The following ADAMTS19 variants were observed in gnomAD, a reference collection of about 807,000 sequenced individuals.
ADAMTS19 encodes A disintegrin and metalloproteinase with thrombospondin motifs 19.
In ADAMTS19, 93 loss-of-function variants were observed where a neutral mutation model predicts 153.3. The observed-to-expected ratio is 0.61, with a 90% CI of 0.51 to 0.72. The LOEUF is 0.72. Ranked by LOEUF, ADAMTS19 falls within the 30% of genes least tolerant of loss-of-function variation. The pLI is 0.00. For missense variants in ADAMTS19, 1,482 were observed against 1,552.1 expected, an observed-to-expected ratio of 0.95 and a Z score of 0.76; for synonymous variants, 600 against 556.6, an observed-to-expected ratio of 1.08 and a Z score of -1.10.
intron 3 of ADAMTS19, among the ~76,000 whole-genome samples, chr5:129,515,727 A>G (rs547623409): frequency 5.7e-4 from 87 of 152,072 alleles, no homozygotes; most frequent in African/African-American, 1.9e-3. Flanking sequence ...TTACATTATC[A>G]GCAAACAAGG....
intron 8 of ADAMTS19, among the ~76,000 whole-genome samples, chr5:129,601,849 T>C (rs1412281461): frequency 6.6e-6 from 1 of 152,134 alleles, no homozygotes; most frequent in Admixed American, 6.5e-5. Flanking sequence ...CCTTCAAGTC[T>C]CCATTCCCTC....
In ADAMTS19 at chr5:129,599,984, C is replaced by A. The variant is rs1308737530; in HGVS notation, c.1478+3320C>A. On this transcript the variant is annotated intron_variant, in intron 8 of 22. Coordinates refer to ENST00000274487, the MANE Select transcript of ADAMTS19 (RefSeq NM_133638.6). Reference sequence around the variant, plus strand: ...GATGCTAGACAGTGAGAGACAATAGCAGTCAGAATAATGTCATGTTTATAA... The same window carrying A: ...GATGCTAGACAGTGAGAGACAATAGAAGTCAGAATAATGTCATGTTTATAA... 3.3e-5 allele frequency among the ~76,000 whole-genome samples: 5 copies of A among 152,020 alleles called. No homozygotes were observed. The East Asian group carries it at 9.7e-4, about 29-fold the overall frequency.
chr5:129,588,664 A>C (rs1749942422), intron 7 of ADAMTS19, among the ~76,000 whole-genome samples: 1 of 151,792 alleles, frequency 6.6e-6, no homozygotes, highest in Non-Finnish European at 1.5e-5. Flanking sequence ...CCTTTTATGC[A>C]TAATAATATT....
At chr5:129,620,574 T>G in intron 8 of ADAMTS19, 44 bp from the exon 9 acceptor site, 1 of 1,407,194 alleles carries the variant, frequency 7.1e-7, no homozygotes, top group Non-Finnish European at 9.5e-7. Context: ...ACAAGTAACA[T>G]TTACTTAGTG....
rs192648440 is a variant in ADAMTS19, at chr5:129,729,354, G to A, written c.3313-5578G>A. On this transcript the variant is annotated intron_variant, in intron 21 of 22. Coordinates refer to ENST00000274487, the MANE Select transcript of ADAMTS19 (RefSeq NM_133638.6). The stretch of plus-strand genomic sequence containing the variant: ...ATAAATAGTTTAGAAGATAACTTGG[G>A]ATTTCAATTGTTCTATTTTGAATGA... Among the ~76,000 whole-genome samples the A allele has an allele frequency of 3.2e-3, 490 of 151,636 alleles. 1 individual carries two copies. Among genetic ancestry groups the A allele is most frequent in the Admixed American group, 4.3e-3 (65 of 15,200 alleles).
intron 9 of ADAMTS19, among the ~76,000 whole-genome samples, chr5:129,621,941 T>G (rs58017921): frequency 0.05 from 7,636 of 152,240 alleles, 268 homozygotes; most frequent in African/African-American, 0.1. Flanking sequence ...CACAATGTTA[T>G]GTAGATCAGC....
chr5:129,689,959 A>G (rs1213453990), intron 18 of ADAMTS19, among the ~76,000 whole-genome samples: 2 of 152,202 alleles, frequency 1.3e-5, no homozygotes, highest in African/African-American at 2.4e-5. Context: ...CATAAGAAGA[A>G]CTGGATTCCT....
intron 19 of ADAMTS19, among the ~76,000 whole-genome samples, chr5:129,697,988 G>A (rs1296859581): frequency 3.9e-5 from 6 of 152,156 alleles, no homozygotes; most frequent in Non-Finnish European, 7.3e-5. Context: ...TGTTTCCCAA[G>A]TTGGTCTGTG....
intron 6 of ADAMTS19, among the ~76,000 whole-genome samples, chr5:129,550,132 A>C (rs867677269): frequency 1.2e-4 from 1 of 8,556 alleles, no homozygotes; most frequent in African/African-American, 4.8e-4. Flanking sequence ...GTATCTGTAT[A>C]TGTATGTATC....
At chr5:129,475,105 CTT>C (rs201912606) in intron 2 of ADAMTS19, among the ~76,000 whole-genome samples, 1 of 143,250 alleles carries the variant, frequency 7.0e-6, no homozygotes, top group Admixed American at 7.0e-5. Flanking sequence ...TCTAGTTTAT[CTT>C]TTTTTTTTTT....
chr5:129,639,311 G>T (rs1246184966), intron 10 of ADAMTS19, among the ~76,000 whole-genome samples: 1 of 152,090 alleles, frequency 6.6e-6, no homozygotes, highest in Non-Finnish European at 1.5e-5. Context: ...ACTTTTCAAG[G>T]TGAAAACTAT....
chr5:129,584,921 G>A (rs1749705567), intron 7 of ADAMTS19, among the ~76,000 whole-genome samples: 2 of 152,146 alleles, frequency 1.3e-5, no homozygotes, highest in South Asian at 4.1e-4. Flanking sequence ...TGTCTTGCTG[G>A]TATTCCAGGT....
chr5:129,587,356 C>T (rs1232224942), intron 7 of ADAMTS19, among the ~76,000 whole-genome samples: 1 of 150,472 alleles, frequency 6.6e-6, no homozygotes, highest in Non-Finnish European at 1.5e-5. Context: ...TAAATCTCAT[C>T]TGCTAACTGC....
At chr5:129,659,368 C>A (rs1581197391) in intron 15 of ADAMTS19, among the ~76,000 whole-genome samples, 1 of 152,032 alleles carries the variant, frequency 6.6e-6, no homozygotes, top group African/African-American at 2.4e-5. Context: ...TAATTCACAA[C>A]AAAATATGAT....
chr5:129,710,534 C>G (rs998077098), intron 21 of ADAMTS19, among the ~76,000 whole-genome samples: 5 of 152,006 alleles, frequency 3.3e-5, no homozygotes, highest in African/African-American at 9.7e-5. Context: ...AATCAAAACC[C>G]CAGTGTGATA....
In ADAMTS19 at chr5:129,596,658, G is replaced by T; in HGVS notation, c.1472G>T (p.Gly491Val). Reference sequence around the variant, plus strand: ...GCTTTTACAATTGCTCATGAAATGGGTCACAAGTAAGTAAAAATCATGGCT... The same window carrying T: ...GCTTTTACAATTGCTCATGAAATGGTTCACAAGTAAGTAAAAATCATGGCT... The part of the protein sequence containing the change: ...NLAFTIAHEM[G>V]HNMGINHDND... Residue 491 changes from glycine (G) to valine (V), a missense_variant, in exon 8 of 23, where the codon GGT becomes GTT. Gly to Val is a moderately radical substitution (Grantham distance 109). Coordinates refer to ENST00000274487, the MANE Select transcript of ADAMTS19 (RefSeq NM_133638.6). 6.3e-7 allele frequency: 1 copy of T among 1,599,698 alleles called. No individual in the cohort carries two copies. Among genetic ancestry groups the T allele is most frequent in the Non-Finnish European group, 8.5e-7 (1 of 1,172,516 alleles).
intron 2 of ADAMTS19, among the ~76,000 whole-genome samples, chr5:129,493,848 C>T (rs898377529): frequency 3.3e-5 from 5 of 152,010 alleles, no homozygotes; most frequent in African/African-American, 1.2e-4. Context: ...TTAAATAAAG[C>T]TTTGGATGGA....
intron 3 of ADAMTS19, among the ~76,000 whole-genome samples, chr5:129,510,880 G>A (rs1265184474): frequency 4.6e-5 from 6 of 131,332 alleles, no homozygotes; most frequent in African/African-American, 1.2e-4. Flanking sequence ...TATATATATA[G>A]TAGGCATGAT....
intron 2 of ADAMTS19, among the ~76,000 whole-genome samples, chr5:129,473,131 A>G (rs1233983657): frequency 3.3e-5 from 5 of 151,922 alleles, no homozygotes; most frequent in African/African-American, 1.2e-4. Context: ...GGTCTTTTCT[A>G]CTCATTCACA....
Sources: gnomAD v4.1 joint callset for allele counts (sites outside exome capture counted in the v4.1 genomes callset) on GRCh38, gnomAD v4.1.1 for gene constraint, MANE v1.5 for transcripts, NCBI Gene and HGNC (gene_info 2026-07-23, HGNC 2026-07-21) for gene names.